GPM6A: variants seen among roughly 807,000 people sequenced by gnomAD.
The protein encoded by GPM6A is glycoprotein M6A.
GPM6A carries 7 observed loss-of-function variants against 32.1 expected under a neutral mutation model. The observed-to-expected ratio is 0.22, with a 90% CI of 0.12 to 0.41. The LOEUF is 0.41. Ranked by LOEUF, GPM6A falls within the 10% of genes least tolerant of loss-of-function variation. GPM6A has a pLI of 1.00. For missense variants in GPM6A, 235 were observed against 347.2 expected (o/e 0.68, Z 2.57); for synonymous variants, 130 against 123.4 (o/e 1.05, Z -0.35).
Position 175,652,875 on chromosome 4 carries a change from T to C in GPM6A, c.388-888A>G, listed in dbSNP as rs551609089. 2.7e-4 allele frequency among the ~76,000 whole-genome samples: 41 copies of C among 152,280 alleles called. 1 individual carries two copies. The highest frequency in any genetic ancestry group is 3.4e-3 in the Middle Eastern group (1 of 294). On this transcript the variant is annotated intron_variant, in intron 3 of 6. Coordinates refer to ENST00000393658, the MANE Select transcript of GPM6A (RefSeq NM_201591.3). ...AATCTACATTTCTATAGATATTTGG[T>C]TCTTCTGAATTTCAGAAGTACACTT... is the stretch of plus-strand genomic sequence containing the variant.
intron 1 of GPM6A, among the ~76,000 whole-genome samples, chr4:175,729,951 GTA>G (rs199751283): frequency 4.8e-5 from 7 of 146,510 alleles, no homozygotes; most frequent in Non-Finnish European, 7.5e-5. Context: ...ATAAATTTAT[GTA>G]TATATATATA....
At chr4:175,708,544 C>T (rs541164348) in intron 1 of GPM6A, among the ~76,000 whole-genome samples, 2 of 152,108 alleles carry the variant, frequency 1.3e-5, no homozygotes, top group East Asian at 3.9e-4. Flanking sequence ...CGCCACCACA[C>T]CCAGCTAAAT....
intron 1 of GPM6A, among the ~76,000 whole-genome samples, chr4:175,830,104 C>G (rs1735562732): frequency 6.6e-6 from 1 of 151,824 alleles, no homozygotes; most frequent in South Asian, 2.1e-4. Flanking sequence ...GAGAATGAGA[C>G]AGAAGGGAGG....
At chr4:175,680,381 T>G (rs779125302) in intron 2 of GPM6A, among the ~76,000 whole-genome samples, 1 of 152,166 alleles carries the variant, frequency 6.6e-6, no homozygotes, top group Non-Finnish European at 1.5e-5. Flanking sequence ...CTAAAATTAT[T>G]TCAGAATTAC....
At chr4:175,980,669 G>T (rs1254791605) in intron 1 of GPM6A, among the ~76,000 whole-genome samples, 1 of 152,098 alleles carries the variant, frequency 6.6e-6, no homozygotes, top group African/African-American at 2.4e-5. Context: ...ACAGGTTTTT[G>T]AAAGTATGTT....
Position 175,951,205 on chromosome 4 carries a change from C to G in GPM6A, c.-23+51104G>C, listed in dbSNP as rs1046542941. On this transcript the variant is annotated intron_variant, in intron 1 of 7. Transcript: ENST00000280187. ...TGAAAAACGTCACCTTCTCAAGATG[C>G]TTATCTGCCCAACTGACCCTGTAAC... 6.6e-5 allele frequency among the ~76,000 whole-genome samples: 10 copies of G among 152,292 alleles called. No individual in the cohort carries two copies. The East Asian group carries it at 1.9e-3, about 29-fold the overall frequency.
Position 175,893,462 on chromosome 4 carries a change from T to C in GPM6A, c.-22-81213A>G, listed in dbSNP as rs911375728. On this transcript the variant is annotated intron_variant, in intron 1 of 7. Transcript: ENST00000280187. ...TAAAAGCATGGAGTACCTAAAATCCTAAGTTAAACACTTCTCCCTTTCTCC... is the reference window on the plus strand; with the variant it reads ...TAAAAGCATGGAGTACCTAAAATCCCAAGTTAAACACTTCTCCCTTTCTCC... 7.8e-4 allele frequency among the ~76,000 whole-genome samples: 119 copies of C among 152,260 alleles called. 1 individual carries two copies. Among genetic ancestry groups the C allele is most frequent in the African/African-American group, 2.6e-3 (106 of 41,552 alleles).
chr4:175,825,648 C>A (rs6812924), intron 1 of GPM6A, among the ~76,000 whole-genome samples: 1 of 152,136 alleles, frequency 6.6e-6, no homozygotes, highest in African/African-American at 2.4e-5. Flanking sequence ...TTTAACATCA[C>A]CCATAGCCAA....
intron 1 of GPM6A, among the ~76,000 whole-genome samples, chr4:175,889,957 TCAA>T (rs1737588731): frequency 6.6e-6 from 1 of 151,896 alleles, no homozygotes; most frequent in African/African-American, 2.4e-5. Context: ...ACACTACAAA[TCAA>T]CAAGCAAAAC....
intron 1 of GPM6A, among the ~76,000 whole-genome samples, chr4:175,924,303 G>A (rs539491796): frequency 2.5e-4 from 38 of 152,176 alleles, no homozygotes; most frequent in Admixed American, 9.8e-4. Flanking sequence ...GAATTACACC[G>A]GACACCATTT....
At chr4:175,725,803 A>G (rs1350540736) in intron 1 of GPM6A, among the ~76,000 whole-genome samples, 1 of 152,112 alleles carries the variant, frequency 6.6e-6, no homozygotes, top group Non-Finnish European at 1.5e-5. Context: ...TTTGTATGCT[A>G]TTTTGCATTT....
At chr4:175,811,221 T>C (rs930644047) in intron 1 of GPM6A, among the ~76,000 whole-genome samples, 1 of 152,216 alleles carries the variant, frequency 6.6e-6, no homozygotes, top group Non-Finnish European at 1.5e-5. Context: ...AGTGCCTTTA[T>C]ATACATTTGA....
chr4:175,994,898 C>A (rs562381945), intron 1 of GPM6A, among the ~76,000 whole-genome samples: 7 of 152,290 alleles, frequency 4.6e-5, no homozygotes, highest in South Asian at 4.1e-4. Flanking sequence ...TACTCTAGAA[C>A]CTTTGTTGTC....
At chr4:175,982,950 C>G (rs146916562) in intron 1 of GPM6A, among the ~76,000 whole-genome samples, 1 of 151,842 alleles carries the variant, frequency 6.6e-6, no homozygotes, top group African/African-American at 2.4e-5. Context: ...ATATTGTGTT[C>G]GGTTTATACC....
chr4:175,727,181 C>G (rs9284954), intron 1 of GPM6A, among the ~76,000 whole-genome samples: 14 of 151,860 alleles, frequency 9.2e-5, no homozygotes, highest in African/African-American at 2.9e-4. Context: ...TCGGTATTAC[C>G]AAAAGATAAC....
chr4:176,001,348 C>T (rs529104318), intron 1 of GPM6A, among the ~76,000 whole-genome samples: 34 of 152,254 alleles, frequency 2.2e-4, no homozygotes, highest in Admixed American at 2.1e-3. Flanking sequence ...ACGCAGTCGG[C>T]AACCGCGGAA....
intron 1 of GPM6A, among the ~76,000 whole-genome samples, chr4:175,901,850 AC>A (rs1478608551): frequency 1.3e-5 from 2 of 150,310 alleles, no homozygotes; most frequent in Non-Finnish European, 3.0e-5. Flanking sequence ...CTAGTCTTGA[AC>A]CCCTGACCTA....
chr4:175,790,992 TGA>T (rs144965335), intron 1 of GPM6A, among the ~76,000 whole-genome samples: 2 of 151,966 alleles, frequency 1.3e-5, no homozygotes, highest in African/African-American at 4.8e-5. Context: ...GTTGTGTGTA[TGA>T]GAGAGAGAGA....
At chr4:175,650,062 G>A (rs1397733019) in intron 4 of GPM6A, among the ~76,000 whole-genome samples, 6 of 151,994 alleles carry the variant, frequency 3.9e-5, no homozygotes, top group East Asian at 1.9e-4. Context: ...CTCCTTTTCC[G>A]ATATTTACAG....
Sources: gnomAD v4.1 joint callset for allele counts (sites outside exome capture counted in the v4.1 genomes callset) on GRCh38, gnomAD v4.1.1 for gene constraint, MANE v1.5 for transcripts, NCBI Gene and HGNC (gene_info 2026-07-23, HGNC 2026-07-21) for gene names.